C4BPA: variants seen among roughly 807,000 people sequenced by gnomAD.
C4BPA encodes C4b-binding protein alpha chain.
In C4BPA, 31 loss-of-function variants were observed where a neutral mutation model predicts 63.7. The observed-to-expected ratio is 0.49, with a 90% confidence interval of 0.37 to 0.66. The LOEUF is 0.66. C4BPA is among the 30% of genes least tolerant of loss of function. The probability of loss-of-function intolerance (pLI) is 0.00; values close to 1 mark genes in which losing one functional copy is unlikely to be tolerated. For missense variants in C4BPA, 572 were observed against 723.3 expected (o/e 0.79, Z 2.40); for synonymous variants, 259 against 254.7 (o/e 1.02, Z -0.16).
chr1:207,141,873 T>C (rs777902187), intron 10 of C4BPA, among the ~76,000 whole-genome samples: 8 of 152,208 alleles, frequency 5.3e-5, no homozygotes, highest in Non-Finnish European at 1.0e-4. Flanking sequence ...TCAGTATTTA[T>C]TTGCCATCAT....
Position 207,126,805 on chromosome 1 carries a change from T to G in C4BPA, c.799T>G (p.Cys267Gly). ...YNYKDTIVFK[C>G]QKGFVLRGSS... The stretch of plus-strand genomic sequence containing the variant: ...TTACAAAGACACTATTGTGTTTAAG[T>G]GCCAAAAAGGTTTTGTTCTCAGAGG... The change falls in exon 7 of 12, where the codon TGC becomes GGC. Residue 267 changes from cysteine to glycine, a missense_variant. Coordinates refer to ENST00000367070, the MANE Select transcript of C4BPA (RefSeq NM_000715.4). 1 of 1,613,340 alleles carries G rather than the reference T, an allele frequency of 6.2e-7. No homozygotes were observed. The highest frequency in any genetic ancestry group is 8.5e-7 in the Non-Finnish European group (1 of 1,179,466).
At chr1:207,122,608 C>T (rs1295955111) in intron 4 of C4BPA, among the ~76,000 whole-genome samples, 1 of 152,068 alleles carries the variant, frequency 6.6e-6, no homozygotes, top group Non-Finnish European at 1.5e-5. Flanking sequence ...GGTCTCACTC[C>T]CTTTGCCCAG....
At chr1:207,140,915 C>T (rs559453679) in intron 9 of C4BPA, among the ~76,000 whole-genome samples, 191 bp from the exon 10 acceptor site, 1 of 152,142 alleles carries the variant, frequency 6.6e-6, no homozygotes, top group South Asian at 2.1e-4. Context: ...TATCTCGAGC[C>T]TTTCTATGGT....
chr1:207,129,443 A>G (rs752812776), intron 7 of C4BPA, among the ~76,000 whole-genome samples: 1 of 151,664 alleles, frequency 6.6e-6, no homozygotes, highest in Non-Finnish European at 1.5e-5. Flanking sequence ...CAAAAGAACA[A>G]AACAACACAT....
rs1289639205 is a variant in C4BPA, at chr1:207,141,096, C to G, written c.1274-10C>G. 6.2e-7 allele frequency: 1 copy of G among 1,600,924 alleles called. No homozygotes were observed. The highest frequency in any genetic ancestry group is 8.5e-7 in the Non-Finnish European group (1 of 1,174,028). ...CTAATGCTCTCTCACTTTTTTGTCT[C>G]TCCCTCAAGTTTGCAATTTTCCTCC... On this transcript the variant is annotated splice_polypyrimidine_tract_variant and intron_variant, in intron 9 of 11. Transcript: ENST00000367070.
Position 207,143,967 on chromosome 1 carries a change from T to C in C4BPA, c.1594T>C (p.Tyr532His). ...CACTTGCTCTGGGAACAGAACCTGG[T>C]ACCCAGAGGTGCCCAAGTGTGAGTG... ...SITCSGNRTW[Y>H]PEVPKCEWET... Residue 532 changes from tyrosine to histidine, a missense_variant, in exon 11 of 12, where the codon TAC (tyrosine) becomes CAC (histidine). Physicochemically the swap from Tyr to His is moderately conservative, Grantham distance 83. Around this residue, in one of 2 missense-constraint regions of C4BPA, gnomAD observed 465 missense variants for 629.4 expected, o/e 0.74. Coordinates refer to ENST00000367070, the MANE Select transcript of C4BPA (RefSeq NM_000715.4). 6.3e-7 allele frequency: 1 copy of C among 1,594,844 alleles called. No individual in the cohort carries two copies. The highest frequency in any genetic ancestry group is 8.5e-7 in the Non-Finnish European group (1 of 1,171,896).
intron 1 of C4BPA, among the ~76,000 whole-genome samples, chr1:207,108,456 A>G (rs142233379): frequency 4.2e-4 from 64 of 152,334 alleles, no homozygotes; most frequent in African/African-American, 1.4e-3. Context: ...GTAGATTATC[A>G]TCTGCTTTTT....
At chr1:207,125,791 AAGAC>A (rs1685026786) in intron 6 of C4BPA, among the ~76,000 whole-genome samples, 1 of 152,190 alleles carries the variant, frequency 6.6e-6, no homozygotes, top group Admixed American at 6.5e-5. Context: ...GGAACAGACT[AAGAC>A]AGCACCTGTG....
Position 207,114,291 on chromosome 1 carries a change from T to C in C4BPA, c.328+6T>C, listed in dbSNP as rs1234033884. The stretch of plus-strand genomic sequence containing the variant: ...GTATAACACCTTCTGTATCTGTAAG[T>C]ATCAACATTTATTTTTTTCCTTTGC... On this transcript the variant is annotated splice_donor_region_variant and intron_variant, in intron 3 of 11. Coordinates refer to ENST00000367070, the MANE Select transcript of C4BPA (RefSeq NM_000715.4). The C allele has an allele frequency of 6.3e-7, 1 of 1,581,974 alleles. No individual in the cohort carries two copies. The highest frequency in any genetic ancestry group is 8.6e-7 in the Non-Finnish European group (1 of 1,164,934).
intron 7 of C4BPA, among the ~76,000 whole-genome samples, chr1:207,129,829 G>C (rs1028286836): frequency 6.6e-6 from 1 of 151,804 alleles, no homozygotes; most frequent in African/African-American, 2.4e-5. Context: ...AGAAAGGAGG[G>C]CAAGTATATA....
intron 9 of C4BPA, among the ~76,000 whole-genome samples, chr1:207,140,441 T>C (rs550712583): frequency 6.6e-6 from 1 of 152,100 alleles, no homozygotes; most frequent in South Asian, 2.1e-4. Context: ...CTTATTGTAG[T>C]ACTTATAACT....
At chr1:207,112,350 G>GTTTTTTTTT (rs61668698) in intron 1 of C4BPA, among the ~76,000 whole-genome samples, 11 of 114,094 alleles carry the variant, frequency 9.6e-5, no homozygotes, top group East Asian at 2.5e-4. Flanking sequence ...CTGCCTTTTT[G>GTTTTTTTTT]TTTTTTTTTT....
At position 207,143,789 on chromosome 1, in the gene C4BPA, G is replaced by A. The variant is rs751206524; in HGVS notation, c.1445-29G>A. ...TCATGTCCTTCTTCATAGATTTACA[G>A]ATTTCTTAAAAATATGTTTCCATTA... On this transcript the variant is annotated intron_variant, in intron 10 of 11. Coordinates refer to ENST00000367070, the MANE Select transcript of C4BPA (RefSeq NM_000715.4). 6.5e-6 allele frequency: 10 copies of A among 1,529,086 alleles called. No homozygotes were observed. In the East Asian group the frequency reaches 2.3e-4, roughly 35 times the overall value. 94.7% of individuals were successfully genotyped at this position (1,529,086 alleles called of 1,614,324 possible). A position where few individuals can be genotyped will look rare whatever the true frequency, so the allele number is the denominator to read the frequency against.
intron 8 of C4BPA, among the ~76,000 whole-genome samples, chr1:207,132,314 T>A (rs899269177): frequency 1.3e-5 from 2 of 152,186 alleles, no homozygotes; most frequent in Non-Finnish European, 2.9e-5. Context: ...CTCTTTTATT[T>A]GTGGAAATGA....
chr1:207,136,463 C>T (rs1335076743), intron 9 of C4BPA, among the ~76,000 whole-genome samples: 1 of 152,220 alleles, frequency 6.6e-6, no homozygotes, highest in Non-Finnish European at 1.5e-5. Context: ...TGTGCCCAAT[C>T]TTCCAATCTT....
intron 4 of C4BPA, among the ~76,000 whole-genome samples, chr1:207,123,695 G>A (rs1684966318): frequency 6.6e-6 from 1 of 152,136 alleles, no homozygotes; most frequent in Non-Finnish European, 1.5e-5. Context: ...CTGATCCCTA[G>A]TAGATGCTCA....
intron 7 of C4BPA, among the ~76,000 whole-genome samples, chr1:207,130,713 T>C (rs536736824): frequency 6.6e-6 from 1 of 152,272 alleles, no homozygotes; most frequent in Admixed American, 6.5e-5. Flanking sequence ...AGTACATGTA[T>C]TGTGTGATTC....
chr1:207,139,435 GT>G (rs774453948), intron 9 of C4BPA, among the ~76,000 whole-genome samples: 2 of 152,074 alleles, frequency 1.3e-5, no homozygotes, highest in South Asian at 4.2e-4. Context: ...TTGTGGTGGT[GT>G]TTTTTTCTTT....
rs1195125488 is a variant in C4BPA at position 207,114,156 on chromosome 1, A to C, written c.199A>C (p.Thr67Pro). The change falls in exon 3 of 12, where the codon ACT becomes CCT. Residue 67 changes from threonine (T) to proline (P), a missense_variant. By Grantham distance (38) the Thr-to-Pro change is conservative (BLOSUM62 -1). Transcript: ENST00000367070. Reference sequence around the variant, plus strand: ...TGCTGCCCCGATGGATATTACGTTGACTGAGACACGCTTCAAAACTGGAAC... The same window carrying C: ...TGCTGCCCCGATGGATATTACGTTGCCTGAGACACGCTTCAAAACTGGAAC... Reference protein sequence around the residue: ...SFAAPMDITLTETRFKTGTTL... With the variant: ...SFAAPMDITLPETRFKTGTTL... 1 of 1,613,670 alleles carries C rather than the reference A, an allele frequency of 6.2e-7. No homozygotes were observed. The highest frequency in any genetic ancestry group is 8.5e-7 in the Non-Finnish European group (1 of 1,179,814).
Sources: allele counts gnomAD v4.1 joint callset (sites outside exome capture counted in the v4.1 genomes callset), GRCh38; gene constraint gnomAD v4.1.1; regional missense constraint gnomAD v4.1.1; transcripts MANE v1.5; gene names NCBI Gene and HGNC (gene_info 2026-07-23, HGNC 2026-07-21).